The following CSMD2 variants were observed in gnomAD, a reference collection of about 807,000 sequenced individuals.
CSMD2 encodes the protein CUB and sushi domain-containing protein 2.
A neutral mutation model predicts 398.5 loss-of-function variants in CSMD2; 130 were observed. The observed-to-expected ratio is 0.33, with a 90% CI of 0.28 to 0.38. CSMD2 has a LOEUF of 0.38. CSMD2 is among the 10% of genes least tolerant of loss of function. CSMD2 has a pLI of 1.00. For synonymous variants in CSMD2, 1,828 were observed against 1,908.5 expected (o/e 0.96, Z 1.10); for missense variants, 3,829 against 4,764.9 (o/e 0.80, Z 5.78).
intron 28 of CSMD2, among the ~76,000 whole-genome samples, chr1:33,649,941 T>G (rs1269895604): frequency 1.3e-5 from 2 of 152,154 alleles, no homozygotes; most frequent in Non-Finnish European, 2.9e-5. Context: ...CTGGCCTCCT[T>G]CCCACCTGGC....
intron 12 of CSMD2, among the ~76,000 whole-genome samples, chr1:33,786,469 C>CA (rs1478406002): frequency 2.0e-5 from 3 of 152,210 alleles, no homozygotes; most frequent in African/African-American, 7.2e-5. Flanking sequence ...CTCATAGCCC[C>CA]ACAGCTGCTT....
chr1:34,131,350 G>T (rs1014517196), intron 1 of CSMD2, among the ~76,000 whole-genome samples: 1 of 152,114 alleles, frequency 6.6e-6, no homozygotes, highest in Non-Finnish European at 1.5e-5. Flanking sequence ...GCAGGAGAGG[G>T]GGGGGTCTTA....
rs151212918 is a variant in CSMD2 at position 33,533,232 on chromosome 1, GGAT to G, written c.9992-6_9992-4del. On this transcript the variant is annotated splice_region_variant and splice_polypyrimidine_tract_variant and intron_variant, in intron 63 of 70. Transcript: ENST00000373381. The surrounding 1 kb of genome is among the most constrained non-coding windows in gnomAD (Gnocchi z 4.2). The stretch of plus-strand genomic sequence containing the variant: ...CTCTGGCTGCCTGCAGTGGTGGGCT[GGAT>G]GAGAGGAAAGACCCTGTTGGACTGG... The G allele has an allele frequency of 9.3e-4, 1,498 of 1,613,472 alleles. 2 individuals carry two copies. The highest frequency in any genetic ancestry group is 1.8e-3 in the Admixed American group (106 of 59,990).
At chr1:34,157,217 T>C (rs556114384) in intron 1 of CSMD2, among the ~76,000 whole-genome samples, 21 of 152,302 alleles carry the variant, frequency 1.4e-4, no homozygotes, top group Middle Eastern at 3.4e-3. Flanking sequence ...GGAGACTTTA[T>C]GTCTGCTGGA....
At chr1:33,666,731 A>C (rs569845912) in intron 25 of CSMD2, among the ~76,000 whole-genome samples, 4 of 152,226 alleles carry the variant, frequency 2.6e-5, no homozygotes, top group Admixed American at 2.0e-4. Context: ...GGAGATCCCT[A>C]GGACAGAGCA....
upstream of CSMD2, chr1:34,165,635 C>CACTCACACACACAGGCACAT: frequency 1.1e-6 from 1 of 909,382 alleles, no homozygotes; most frequent in Non-Finnish European, 1.8e-6. Flanking sequence ...GAGACACACG[C>CACTCACACACACAGGCACAT]ACTCACACAC....
chr1:34,162,174 CAA>C (rs35659871), intron 1 of CSMD2, among the ~76,000 whole-genome samples: 6 of 46,996 alleles, frequency 1.3e-4, no homozygotes, highest in Non-Finnish European at 1.9e-4. Flanking sequence ...AACTCCCTCT[CAA>C]AAAAAAAAAA....
At chr1:33,558,066 G>T in intron 54 of CSMD2, 144 bp from the exon 55 acceptor site, 3 of 661,560 alleles carry the variant, frequency 4.5e-6, no homozygotes, top group Non-Finnish European at 7.8e-6. Flanking sequence ...TTGGTTACCT[G>T]GTCAGAAGAG....
chr1:33,862,017 G>A (rs2125115973), intron 5 of CSMD2, among the ~76,000 whole-genome samples: 1 of 152,232 alleles, frequency 6.6e-6, no homozygotes, highest in South Asian at 2.1e-4. Context: ...GGCTCATACA[G>A]ACCAGCTTCC....
chr1:34,141,025 TA>T (rs1214744542), intron 1 of CSMD2, among the ~76,000 whole-genome samples: 1 of 152,052 alleles, frequency 6.6e-6, no homozygotes, highest in African/African-American at 2.4e-5. Context: ...CCTGTGAATA[TA>T]GGGCCTTTTG....
intron 22 of CSMD2, among the ~76,000 whole-genome samples, chr1:33,703,922 T>C (rs1332750278): frequency 2.0e-5 from 3 of 152,226 alleles, no homozygotes; most frequent in Non-Finnish European, 4.4e-5. Flanking sequence ...TTGATCGCCA[T>C]TGAAGTTGAG....
chr1:33,528,275 G>A (rs1384033138), intron 64 of CSMD2, among the ~76,000 whole-genome samples: 2 of 152,200 alleles, frequency 1.3e-5, no homozygotes, highest in Admixed American at 6.5e-5. Context: ...ATACCTCACA[G>A]GTCTATGCTG....
chr1:33,833,978 C>T (rs1557973789), intron 6 of CSMD2, among the ~76,000 whole-genome samples: 2 of 149,688 alleles, frequency 1.3e-5, no homozygotes, highest in Non-Finnish European at 3.0e-5. Context: ...GAACTACAAA[C>T]CACTGCTCAA....
At chr1:33,757,302 TATA>T (rs1649174857) in intron 13 of CSMD2, among the ~76,000 whole-genome samples, 1 of 151,668 alleles carries the variant, frequency 6.6e-6, no homozygotes, top group African/African-American at 2.4e-5. Context: ...AAACTTAAAG[TATA>T]ATAATAAAAA....
chr1:33,658,970 G>A (rs980655775), intron 26 of CSMD2, among the ~76,000 whole-genome samples: 1 of 152,200 alleles, frequency 6.6e-6, no homozygotes, highest in African/African-American at 2.4e-5. Flanking sequence ...AGGTTACCGG[G>A]AGTTACTGAA....
chr1:33,533,868 G>C lies in CSMD2; in HGVS notation c.9919C>G (p.Leu3307Val). The change falls in exon 63 of 71, where the codon CTG (leucine) becomes GTG (valine). Residue 3307 changes from leucine to valine, a missense_variant. Leu to Val is a conservative substitution (Grantham distance 32). Coordinates refer to ENST00000373381, the MANE Select transcript of CSMD2 (RefSeq NM_001281956.2). This position sits in a 1 kb window ranked among gnomAD's most constrained non-coding sequence, Gnocchi z 4.2. ...GTCCTGGTGGTGGAGCCCTGAAGCAGGTAGCCTTTTTGACAACGGAAGAGG... is the reference window on the plus strand; with the variant it reads ...GTCCTGGTGGTGGAGCCCTGAAGCACGTAGCCTTTTTGACAACGGAAGAGG... ...TVLFRCQKGY[L>V]LQGSTTRTCL... 1 of 1,614,102 alleles carries C rather than the reference G, an allele frequency of 6.2e-7. No homozygotes were observed. Among genetic ancestry groups the C allele is most frequent in the Non-Finnish European group, 8.5e-7 (1 of 1,179,970 alleles).
chr1:33,693,866 T>C (rs1165420138), intron 24 of CSMD2, among the ~76,000 whole-genome samples: 2 of 152,156 alleles, frequency 1.3e-5, no homozygotes, highest in African/African-American at 4.8e-5. Flanking sequence ...CAGATCAGCC[T>C]GACCAACATG....
intron 1 of CSMD2, among the ~76,000 whole-genome samples, chr1:34,148,802 G>A (rs564550686): frequency 3.3e-5 from 5 of 152,198 alleles, no homozygotes; most frequent in Non-Finnish European, 7.3e-5. Flanking sequence ...TCTGTGCTCA[G>A]AGAATGCACC....
intron 12 of CSMD2, among the ~76,000 whole-genome samples, chr1:33,785,761 G>A (rs566535726): frequency 1.3e-5 from 2 of 152,286 alleles, no homozygotes; most frequent in South Asian, 4.1e-4. Context: ...CTGAGATAAT[G>A]AACATAAAGC....
Sources: allele counts gnomAD v4.1 joint callset (sites outside exome capture counted in the v4.1 genomes callset), GRCh38; gene constraint gnomAD v4.1.1; non-coding constraint Gnocchi (gnomAD v3.1); transcripts MANE v1.5; gene names NCBI Gene and HGNC (gene_info 2026-07-23, HGNC 2026-07-21).